EFCAB7: variants seen among roughly 807,000 people sequenced by gnomAD.
EFCAB7 encodes EF-hand calcium-binding domain-containing protein 7.
Under a neutral mutation model 77.1 loss-of-function variants are expected in EFCAB7, and 66 were observed. That is an observed-to-expected ratio of 0.86 (90% CI 0.70 to 1.05). The LOEUF is 1.05. EFCAB7 is among the 50% of genes least tolerant of loss of function. The pLI is 0.00. For synonymous variants in EFCAB7, 225 were observed against 243.3 expected, an observed-to-expected ratio of 0.92 and a Z score of 0.70; for missense variants, 638 against 730.5, an observed-to-expected ratio of 0.87 and a Z score of 1.46.
chr1:63,577,027 G>C (rs1193349793), downstream of EFCAB7, among the ~76,000 whole-genome samples: 1 of 149,912 alleles, frequency 6.7e-6, no homozygotes, highest in Admixed American at 6.6e-5. Flanking sequence ...TGCATCTGTA[G>C]TTCCAGCTAC....
chr1:63,552,712 T>A (rs1646981047), intron 8 of EFCAB7, among the ~76,000 whole-genome samples: 1 of 152,196 alleles, frequency 6.6e-6, no homozygotes, highest in South Asian at 2.1e-4. Flanking sequence ...ACAGAAATAA[T>A]GCTATTTAAG....
intron 1 of EFCAB7, among the ~76,000 whole-genome samples, chr1:63,525,285 T>A (rs1646567614): frequency 6.6e-6 from 1 of 152,196 alleles, no homozygotes; most frequent in Non-Finnish European, 1.5e-5. Context: ...TTGGCTATTA[T>A]CACATATTTG....
At chr1:63,561,516 G>C (rs1224117608) in intron 10 of EFCAB7, among the ~76,000 whole-genome samples, 193 bp from the exon 11 acceptor site, 1 of 152,058 alleles carries the variant, frequency 6.6e-6, no homozygotes, top group Non-Finnish European at 1.5e-5. Flanking sequence ...ATATATCTAT[G>C]CTGAGTTATG....
chr1:63,568,819 GT>G (rs1430940676), intron 12 of EFCAB7: 2 of 209,370 alleles, frequency 9.6e-6, no homozygotes, highest in Non-Finnish European at 1.9e-5. Flanking sequence ...GTTTCTAAAA[GT>G]TTTTATGTAT....
intron 6 of EFCAB7, 124 bp downstream of exon 6, chr1:63,534,340 GTAATTTC>G: frequency 1.3e-6 from 1 of 760,782 alleles, no homozygotes. Context: ...GTTTTTCTGT[GTAATTTC>G]TACCTGTAAG....
Position 63,551,681 on chromosome 1 carries a change from G to T in EFCAB7, c.947-44G>T, listed in dbSNP as rs192937446. 4.5e-3 allele frequency: 4,136 copies of T among 911,644 alleles called. 12 individuals carry two copies. Among genetic ancestry groups the T allele is most frequent in the Non-Finnish European group, 6.0e-3 (3,746 of 624,742 alleles). The allele number at this position is 911,644 out of a possible 1,614,324, so 56.5% of individuals were successfully genotyped here. A position where few individuals can be genotyped will look rare whatever the true frequency, so the allele number is the denominator to read the frequency against. On this transcript the variant is annotated intron_variant, in intron 7 of 13. Coordinates refer to ENST00000371088, the MANE Select transcript of EFCAB7 (RefSeq NM_032437.4). The stretch of plus-strand genomic sequence containing the variant: ...TTTTATATAGGAAAGAATAGATAGT[G>T]ATTGCTTATTTTAAGGTGTTTGGGC...
chr1:63,580,683 T>C, the EFCAB7 span, among the ~76,000 whole-genome samples: 1 of 152,234 alleles, frequency 6.6e-6, no homozygotes. Context: ...CTGGCATGTT[T>C]ATTATGTTGA....
chr1:63,549,954 A>G (rs909666250), intron 7 of EFCAB7: 2 of 152,620 alleles, frequency 1.3e-5, no homozygotes, highest in African/African-American at 4.8e-5. Flanking sequence ...ATTCTGTAGG[A>G]CTTTGAATAA....
intron 7 of EFCAB7, chr1:63,549,158 T>C (rs968399843): frequency 9.6e-6 from 3 of 311,006 alleles, no homozygotes; most frequent in African/African-American, 6.8e-5. Flanking sequence ...AGAGAACCAA[T>C]TCTGGAGAAC....
chr1:63,552,763 A>G (rs1331873856), intron 8 of EFCAB7, among the ~76,000 whole-genome samples: 1 of 152,220 alleles, frequency 6.6e-6, no homozygotes, highest in African/African-American at 2.4e-5. Context: ...TATAGGCTCA[A>G]TGACACACAA....
At chr1:63,545,401 T>A (rs74634010) in intron 6 of EFCAB7, among the ~76,000 whole-genome samples, 1 of 152,168 alleles carries the variant, frequency 6.6e-6, no homozygotes, top group African/African-American at 2.4e-5. Flanking sequence ...TTTTAGGAAC[T>A]TAGATTATAG....
chr1:63,572,812 G>C (rs1647305089), downstream of EFCAB7: 1 of 383,790 alleles, frequency 2.6e-6, no homozygotes, highest in East Asian at 1.5e-4. Context: ...AGCAAAGGGA[G>C]ATAGGGGTGG....
At chr1:63,525,047 A>G (rs10889427) in intron 1 of EFCAB7, among the ~76,000 whole-genome samples, 22,691 of 152,166 alleles carry the variant, frequency 0.15, 2,204 homozygotes, top group South Asian at 0.22. Flanking sequence ...ATGGGTGTCA[A>G]CTACCACTCA....
downstream of EFCAB7, among the ~76,000 whole-genome samples, chr1:63,577,506 A>C (rs1557694382): frequency 6.6e-6 from 1 of 152,212 alleles, no homozygotes; most frequent in Admixed American, 6.5e-5. Context: ...CTAAAAAGTA[A>C]ATTTCTCTCT....
intron 6 of EFCAB7, among the ~76,000 whole-genome samples, chr1:63,542,492 T>C (rs757848362): frequency 6.6e-6 from 1 of 152,236 alleles, no homozygotes; most frequent in Non-Finnish European, 1.5e-5. Flanking sequence ...CTAGGTCATA[T>C]AGAATTCTAG....
chr1:63,534,677 A>G (rs1646742562), intron 6 of EFCAB7, among the ~76,000 whole-genome samples: 1 of 152,102 alleles, frequency 6.6e-6, no homozygotes, highest in African/African-American at 2.4e-5. Context: ...TCAACAGAAA[A>G]TAATAGTTAC....
chr1:63,553,588 T>C (rs890142427), intron 8 of EFCAB7, among the ~76,000 whole-genome samples: 1 of 152,206 alleles, frequency 6.6e-6, no homozygotes, highest in Non-Finnish European at 1.5e-5. Flanking sequence ...TCCGCCTGCC[T>C]TGGCCTCCCA....
At chr1:63,578,210 A>T in the EFCAB7 span, among the ~76,000 whole-genome samples, 1 of 152,182 alleles carries the variant, frequency 6.6e-6, no homozygotes, top group East Asian at 1.9e-4. Flanking sequence ...TGAAAATTTA[A>T]GGTATTTTCT....
chr1:63,524,493 A>G (rs1015072709), intron 1 of EFCAB7, among the ~76,000 whole-genome samples: 1 of 152,192 alleles, frequency 6.6e-6, no homozygotes, highest in Admixed American at 6.5e-5. Context: ...ATAATTCGAA[A>G]AGGTGCAAGT....
Sources: allele counts gnomAD v4.1 joint callset (sites outside exome capture counted in the v4.1 genomes callset), GRCh38; gene constraint gnomAD v4.1.1; transcripts MANE v1.5; gene names NCBI Gene and HGNC (gene_info 2026-07-23, HGNC 2026-07-21).